The following ALDOA variants were observed in gnomAD, a reference collection of about 807,000 sequenced individuals.
ALDOA encodes the protein aldolase, fructose-bisphosphate A, also known as fructose-bisphosphate aldolase A.
ALDOA carries 26 observed loss-of-function variants against 43.9 expected under a neutral mutation model. The observed-to-expected ratio is 0.59, with a 90% confidence interval of 0.43 to 0.82. The LOEUF (loss-of-function observed/expected upper bound fraction) is 0.82, where lower values mean the gene tolerates loss of function less well. Ranked by LOEUF, ALDOA falls within the 40% of genes least tolerant of loss-of-function variation. The pLI, the probability that ALDOA is intolerant of heterozygous loss-of-function variation, is 0.00. For synonymous variants in ALDOA, 258 were observed against 222.6 expected, an observed-to-expected ratio of 1.16 and a Z score of -1.42; for missense variants, 498 against 549.5, an observed-to-expected ratio of 0.91 and a Z score of 0.94.
chr16:30,067,966 G>T (rs2072180114), intron 4 of ALDOA: 2 of 457,718 alleles, frequency 4.4e-6, no homozygotes, highest in Non-Finnish European at 8.0e-6. Flanking sequence ...ACATCCCAGT[G>T]TATCCTGTCT....
intron 4 of ALDOA, chr16:30,068,118 A>G (rs1180907405): frequency 4.1e-6 from 1 of 243,124 alleles, no homozygotes; most frequent in East Asian, 1.1e-4. Context: ...GCTGGAGTGC[A>G]GTGGTGCGAT....
chr16:30,066,404 C>G (rs1314249512), intron 1 of ALDOA, among the ~76,000 whole-genome samples: 1 of 152,240 alleles, frequency 6.6e-6, no homozygotes, highest in Non-Finnish European at 1.5e-5. Flanking sequence ...GACCTTGATT[C>G]TGAGCCCGGA....
At chr16:30,064,325 C>T (rs2072032012), upstream of ALDOA, 1 of 397,452 alleles carries the variant, frequency 2.5e-6, no homozygotes, top group East Asian at 3.6e-5. Flanking sequence ...CCACCATCAC[C>T]GCAGGGAGTC....
chr16:30,065,977 T>C (rs1285584129), intron 1 of ALDOA, 50 bp downstream of exon 1: 1 of 153,014 alleles, frequency 6.5e-6, no homozygotes, highest in East Asian at 1.9e-4. Context: ...GAGAGGGATC[T>C]TGGGGGCAGT....
intron 5 of ALDOA, 50 bp downstream of exon 5, chr16:30,068,750 G>C (rs1406638810): frequency 1.9e-6 from 3 of 1,614,200 alleles, no homozygotes; most frequent in Non-Finnish European, 2.5e-6. Context: ...GAGCAGGTTT[G>C]GGTGCTGGGA....
At position 30,067,375 on chromosome 16, in the gene ALDOA, A is replaced by C; in HGVS notation, c.274+9A>C. On this transcript the variant is annotated intron_variant, in intron 3 of 9. Coordinates refer to ENST00000642816, the MANE Select transcript of ALDOA (RefSeq NM_001243177.4). The stretch of plus-strand genomic sequence containing the variant: ...TGCAGATGAGTCCACTGGTGCGGGC[A>C]GGAGACAGAATGGGTGGAGGGTGCA... The C allele has an allele frequency of 6.2e-7, 1 of 1,614,048 alleles. No individual in the cohort carries two copies. Among genetic ancestry groups the C allele is most frequent in the Non-Finnish European group, 8.5e-7 (1 of 1,180,012 alleles).
intron 1 of ALDOA, 76 bp from the exon 2 acceptor site, chr16:30,066,809 C>T (rs1022603935): frequency 5.4e-6 from 8 of 1,470,992 alleles, no homozygotes; most frequent in Middle Eastern, 1.8e-4. Context: ...GGGCCCTTTC[C>T]CACGAGGGTG....
chr16:30,069,216 A>G, intron 6 of ALDOA, 90 bp from the exon 7 acceptor site: 1 of 1,484,594 alleles, frequency 6.7e-7, no homozygotes, highest in Non-Finnish European at 9.4e-7. Flanking sequence ...TGGCATCATC[A>G]AGATACGGTC....
intron 1 of ALDOA, among the ~76,000 whole-genome samples, chr16:30,066,598 C>T (rs562179070): frequency 1.3e-5 from 2 of 152,292 alleles, no homozygotes; most frequent in African/African-American, 4.8e-5. Flanking sequence ...TCCTAATGCC[C>T]CTTTCCTACC....
rs2072281550 is a variant in ALDOA, at chr16:30,070,285, C to A, written c.*73C>A. The A allele has an allele frequency of 1.4e-6, 2 of 1,469,750 alleles. No homozygotes were observed. Among genetic ancestry groups the A allele is most frequent in the South Asian group, 2.3e-5 (2 of 87,570 alleles). 91.0% of individuals were successfully genotyped at this position (1,469,750 alleles called of 1,614,324 possible). ...CCCACTCTTGAAGAGGAGGCCGCCT[C>A]CTCGGGGCTCCAGGCTGGCTTGCCC... On this transcript the variant is annotated 3_prime_UTR_variant, in exon 10 of 10. Transcript: ENST00000642816.
At chr16:30,066,216 C>T (rs983783845) in intron 1 of ALDOA, 1 of 152,336 alleles carries the variant, frequency 6.6e-6, no homozygotes, top group Non-Finnish European at 1.5e-5. Context: ...CCCCTTAGCC[C>T]TGGCGGGGAT....
chr16:30,064,606 T>G, upstream of ALDOA: 1 of 397,664 alleles, frequency 2.5e-6, no homozygotes, highest in Non-Finnish European at 4.4e-6. Context: ...GTCAGGGGCT[T>G]CAGGTTTCCC....
At position 30,067,655 on chromosome 16, in the gene ALDOA, C is replaced by T. The variant is rs1184628720; in HGVS notation, c.480C>T (p.Gly160=). Residue 160 remains glycine (G), a synonymous_variant, in exon 4 of 10, where the codon GGC becomes GGT. Coordinates refer to ENST00000642816, the MANE Select transcript of ALDOA (RefSeq NM_001243177.4). The stretch of plus-strand genomic sequence containing the variant: ...TCAAATCCAAGGGCGGTGTTGTGGG[C>T]ATCAAGGTAAGGGGAGGGCCTCCGG... ...QVIKSKGGVV[G]IKVDKGVVPL... 1.2e-6 allele frequency: 2 copies of T among 1,614,054 alleles called. No homozygotes were observed. The highest frequency in any genetic ancestry group is 1.7e-5 in the Admixed American group (1 of 60,014).
rs559067753 is a variant in ALDOA, at chr16:30,069,400, A to G, written c.786+11A>G. 6.2e-6 allele frequency: 10 copies of G among 1,614,090 alleles called. No individual in the cohort carries two copies. The South Asian group carries it at 9.9e-5, about 16-fold the overall frequency. On this transcript the variant is annotated intron_variant, in intron 7 of 9. Transcript: ENST00000642816. ...TATGTGACCGAGAAGGTAAATGGCT[A>G]CCTGCCTGACCAGTGCAAGGTGGCT... is the stretch of plus-strand genomic sequence containing the variant.
At chr16:30,067,203 C>G in intron 2 of ALDOA, 31 bp from the exon 3 acceptor site, 1 of 1,611,968 alleles carries the variant, frequency 6.2e-7, no homozygotes, top group Non-Finnish European at 8.5e-7. Flanking sequence ...CCCTAGCTAA[C>G]TAGTCCTTCC....
intron 7 of ALDOA, 23 bp downstream of exon 7, chr16:30,069,412 A>AGTG: frequency 6.2e-7 from 1 of 1,613,934 alleles, no homozygotes; most frequent in Non-Finnish European, 8.5e-7. Flanking sequence ...CTGCCTGACC[A>AGTG]GTGCAAGGTG....
rs563447533 is a variant in ALDOA, at chr16:30,069,879, C to T, written c.1011C>T (p.Asn337=). The change falls in exon 9 of 10, where the codon AAC becomes AAT. Residue 337 remains asparagine, a synonymous_variant. Transcript: ENST00000642816. ...GGQSEEEASI[N]LNAINKCPLL... ...AGAGTGAGGAGGAGGCGTCCATCAA[C>T]CTCAATGCCATTAACAAGTGCCCCC... 6.2e-7 allele frequency: 1 copy of T among 1,614,174 alleles called. No individual in the cohort carries two copies. Among genetic ancestry groups the T allele is most frequent in the South Asian group, 1.1e-5 (1 of 91,076 alleles).
Position 30,070,162 on chromosome 16 carries a change from G to C in ALDOA, c.1207G>C (p.Ala403Pro). The C allele has an allele frequency of 6.2e-7, 1 of 1,614,124 alleles. No individual in the cohort carries two copies. The highest frequency in any genetic ancestry group is 8.5e-7 in the Non-Finnish European group (1 of 1,180,036). Residue 403 changes from alanine (A) to proline (P), a missense_variant, in exon 10 of 10, where the codon GCT (alanine) becomes CCT (proline). Transcript: ENST00000642816. ...CQGKYTPSGQ[A>P]GAAASESLFV... is the part of the protein sequence containing the mutation. Reference sequence around the variant, plus strand: ...AGGAAAGTACACTCCGAGCGGTCAGGCTGGGGCTGCTGCCAGCGAGTCCCT... The same window carrying C: ...AGGAAAGTACACTCCGAGCGGTCAGCCTGGGGCTGCTGCCAGCGAGTCCCT...
chr16:30,067,196 T>G, intron 2 of ALDOA, 38 bp from the exon 3 acceptor site: 1 of 1,611,662 alleles, frequency 6.2e-7, no homozygotes, highest in Non-Finnish European at 8.5e-7. Context: ...TGGGAAACCC[T>G]AGCTAACTAG....
Sources: gnomAD v4.1 joint callset for allele counts (sites outside exome capture counted in the v4.1 genomes callset) on GRCh38, gnomAD v4.1.1 for gene constraint, MANE v1.5 for transcripts, NCBI Gene and HGNC (gene_info 2026-07-23, HGNC 2026-07-21) for gene names.